DCLK1: variants seen among roughly 807,000 people sequenced by gnomAD.
The protein encoded by DCLK1 is doublecortin like kinase 1.
DCLK1 carries 16 observed loss-of-function variants against 86.2 expected under a neutral mutation model. That is an observed-to-expected ratio of 0.19 (90% CI 0.13 to 0.28). The LOEUF (loss-of-function observed/expected upper bound fraction) is 0.28, where lower values mean the gene tolerates loss of function less well. Ranked by LOEUF, DCLK1 falls within the 10% of genes least tolerant of loss-of-function variation. DCLK1 has a pLI of 1.00. For missense variants in DCLK1, 590 were observed against 940.2 expected (o/e 0.63, Z 4.87); for synonymous variants, 369 against 370.5 (o/e 1.00, Z 0.05).
At chr13:35,993,757 C>T (rs566748674) in intron 3 of DCLK1, among the ~76,000 whole-genome samples, 1 of 151,742 alleles carries the variant, frequency 6.6e-6, no homozygotes, top group Non-Finnish European at 1.5e-5. Flanking sequence ...TCAAAGACAT[C>T]TAGCCACAAC....
At chr13:36,116,958 CA>C (rs1451426198) in intron 2 of DCLK1, among the ~76,000 whole-genome samples, 3 of 152,172 alleles carry the variant, frequency 2.0e-5, no homozygotes, top group Admixed American at 1.3e-4. Flanking sequence ...ACCTGGAAGT[CA>C]CTGGCTTAGG....
At chr13:35,790,457 C>T (rs1302690627) in intron 16 of DCLK1, among the ~76,000 whole-genome samples, 4 of 152,156 alleles carry the variant, frequency 2.6e-5, no homozygotes, top group Non-Finnish European at 5.9e-5. Flanking sequence ...CACAAACTAA[C>T]ACTATGTCCT....
At chr13:36,035,209 C>T (rs67784314) in intron 3 of DCLK1, among the ~76,000 whole-genome samples, 32,385 of 152,108 alleles carry the variant, frequency 0.21, 4,073 homozygotes, top group Non-Finnish European at 0.28. Flanking sequence ...CATCTTCTCT[C>T]TTTCTCTCTT....
intron 10 of DCLK1, among the ~76,000 whole-genome samples, chr13:35,826,552 A>AGGG (rs1868474372): frequency 9.8e-6 from 1 of 101,594 alleles, no homozygotes; most frequent in African/African-American, 3.1e-5. Flanking sequence ...AGAAAGAAAG[A>AGGG]AAGAAAGAAA....
chr13:36,130,667 A>T (rs1233571717), intron 1 of DCLK1, among the ~76,000 whole-genome samples: 1 of 151,944 alleles, frequency 6.6e-6, no homozygotes, highest in African/African-American at 2.4e-5. Flanking sequence ...CCACAAGCAC[A>T]CATCACTGGC....
At chr13:35,966,501 CCT>C (rs1878741077) in intron 3 of DCLK1, among the ~76,000 whole-genome samples, 2 of 133,256 alleles carry the variant, frequency 1.5e-5, no homozygotes, top group African/African-American at 2.9e-5. Flanking sequence ...TCCCCCTCCC[CCT>C]CCCCCTCCCC....
intron 16 of DCLK1, among the ~76,000 whole-genome samples, chr13:35,780,028 T>C (rs2086498212): frequency 6.6e-6 from 1 of 151,788 alleles, no homozygotes; most frequent in African/African-American, 2.4e-5. Context: ...TCCTCTGAAA[T>C]CCTGCATCAC....
At chr13:36,068,531 G>A (rs963048507) in intron 3 of DCLK1, among the ~76,000 whole-genome samples, 10 of 150,602 alleles carry the variant, frequency 6.6e-5, no homozygotes, top group East Asian at 2.0e-4. Flanking sequence ...ACTTTTAAAC[G>A]TTTTCTTTGG....
intron 3 of DCLK1, among the ~76,000 whole-genome samples, chr13:36,018,759 C>T (rs17053339): frequency 0.047 from 7,163 of 152,010 alleles, 174 homozygotes; most frequent in Middle Eastern, 0.092. Context: ...AAAGTGTATC[C>T]CTTTCTCATT....
intron 4 of DCLK1, among the ~76,000 whole-genome samples, chr13:35,941,804 T>C (rs1877099402): frequency 6.6e-6 from 1 of 152,224 alleles, no homozygotes; most frequent in Non-Finnish European, 1.5e-5. Flanking sequence ...ATATTTACCA[T>C]CTTCAATCAG....
intron 3 of DCLK1, among the ~76,000 whole-genome samples, chr13:36,070,595 C>T (rs1180992248): frequency 6.6e-6 from 1 of 152,004 alleles, no homozygotes; most frequent in Non-Finnish European, 1.5e-5. Context: ...TGGTTTTTAC[C>T]AGCTGTTATG....
At chr13:36,040,568 A>G (rs1022579795) in intron 3 of DCLK1, among the ~76,000 whole-genome samples, 7 of 151,662 alleles carry the variant, frequency 4.6e-5, no homozygotes, top group African/African-American at 1.7e-4. Context: ...CTGGCTGAGT[A>G]GTGTTGACAG....
intron 15 of DCLK1, among the ~76,000 whole-genome samples, chr13:35,803,362 G>A (rs1002367273): frequency 1.3e-5 from 2 of 152,178 alleles, no homozygotes; most frequent in African/African-American, 4.8e-5. Flanking sequence ...GGCTGGAAGT[G>A]ACCACTCCTG....
At chr13:35,875,149 C>T (rs766784187) in intron 4 of DCLK1, among the ~76,000 whole-genome samples, 4 of 152,164 alleles carry the variant, frequency 2.6e-5, no homozygotes, top group Non-Finnish European at 5.9e-5. Context: ...TTATGCAACA[C>T]ATTGTTGTTA....
At chr13:35,798,844 G>A (rs923590255) in intron 15 of DCLK1, among the ~76,000 whole-genome samples, 3 of 152,182 alleles carry the variant, frequency 2.0e-5, no homozygotes, top group Non-Finnish European at 2.9e-5. Context: ...TGTGGGTAGG[G>A]CTGAGTTTTA....
chr13:35,995,537 A>G (rs17185689), intron 3 of DCLK1, among the ~76,000 whole-genome samples: 54,972 of 152,132 alleles, frequency 0.36, 11,069 homozygotes, highest in Non-Finnish European at 0.44. Context: ...TTTCATTTTT[A>G]CTGAGGCCAA....
intron 3 of DCLK1, among the ~76,000 whole-genome samples, chr13:36,032,764 C>A (rs1320923735): frequency 6.6e-6 from 1 of 152,234 alleles, no homozygotes; most frequent in African/African-American, 2.4e-5. Context: ...GACACTCTCT[C>A]TGCAAAGGTT....
Position 35,771,561 on chromosome 13 carries a change from A to G in DCLK1, c.*2974T>C, listed in dbSNP as rs1428833379. The G allele has an allele frequency of 4.6e-5, 7 of 152,216 alleles. No homozygotes were observed. In the South Asian group the frequency reaches 1.2e-3, roughly 27 times the overall value. 9.4% of individuals were successfully genotyped at this position (152,216 alleles called of 1,614,324 possible). On this transcript the variant is annotated 3_prime_UTR_variant, in exon 17 of 17. Coordinates refer to ENST00000360631, the MANE Select transcript of DCLK1 (RefSeq NM_001330071.2). ...TGTTCATTAATATGAACACATGTCT[A>G]CAGAGATGATTTACACGATGCAAGT...
intron 10 of DCLK1, 93 bp from the exon 11 acceptor site, chr13:35,822,968 G>A (rs749010068): frequency 3.5e-6 from 5 of 1,435,802 alleles, no homozygotes; most frequent in Admixed American, 4.1e-5. Flanking sequence ...AGGACAGGAA[G>A]AATGGATGTG....
Sources: allele counts gnomAD v4.1 joint callset (sites outside exome capture counted in the v4.1 genomes callset), GRCh38; gene constraint gnomAD v4.1.1; transcripts MANE v1.5; gene names NCBI Gene and HGNC (gene_info 2026-07-23, HGNC 2026-07-21).